SIK3: variants seen among roughly 807,000 people sequenced by gnomAD.
SIK3 encodes serine/threonine-protein kinase SIK3.
SIK3 carries 28 observed loss-of-function variants against 144.2 expected under a neutral mutation model. That is an observed-to-expected ratio of 0.19 (90% confidence interval 0.14 to 0.27). The LOEUF is 0.27. Ranked by LOEUF, SIK3 falls within the 10% of genes least tolerant of loss-of-function variation. The pLI is 1.00. For synonymous variants in SIK3, 686 were observed against 676.3 expected (o/e 1.01, Z -0.22); for missense variants, 1,319 against 1,776.0 (o/e 0.74, Z 4.62).
intron 1 of SIK3, among the ~76,000 whole-genome samples, chr11:117,043,190 G>A (rs1055526196): frequency 1.6e-4 from 25 of 151,988 alleles, no homozygotes; most frequent in African/African-American, 6.0e-4. Context: ...CCATCCCTCC[G>A]AACGTGCCAT....
chr11:116,967,038 G>GA (rs923405817), intron 1 of SIK3, among the ~76,000 whole-genome samples: 7 of 141,762 alleles, frequency 4.9e-5, no homozygotes, highest in South Asian at 2.3e-4. Flanking sequence ...AAAAAGAAAA[G>GA]AAAAAAAGAA....
Position 116,867,849 on chromosome 11 carries a change from A to T in SIK3, c.1952+97T>A. On this transcript the variant is annotated intron_variant, in intron 15 of 24. Coordinates refer to ENST00000445177, the MANE Select transcript of SIK3 (RefSeq NM_001366686.3). This position sits in a 1 kb window ranked among gnomAD's most constrained non-coding sequence, Gnocchi z 4.1. The stretch of plus-strand genomic sequence containing the variant: ...TCAGGATGACAGCTGGCTTCTATTT[A>T]AAGCCACGATGCTAGTCACCGTCGC... 1 of 1,268,058 alleles carries T rather than the reference A, an allele frequency of 7.9e-7. No homozygotes were observed. The highest frequency in any genetic ancestry group is 1.1e-6 in the Non-Finnish European group (1 of 940,992). 78.6% of individuals were successfully genotyped at this position (1,268,058 alleles called of 1,614,324 possible).
At chr11:116,955,693 T>C (rs77161357) in intron 2 of SIK3, among the ~76,000 whole-genome samples, 11,177 of 152,234 alleles carry the variant, frequency 0.073, 744 homozygotes, top group African/African-American at 0.18. Flanking sequence ...AAGCTGAGGT[T>C]AGACACCTGT....
At chr11:116,875,618 A>G in intron 9 of SIK3, 167 bp from the exon 10 acceptor site, 2 of 805,708 alleles carry the variant, frequency 2.5e-6, no homozygotes, top group East Asian at 2.7e-5. Flanking sequence ...TGAAGAGGAT[A>G]GCATCGCCTC....
Position 116,858,582 on chromosome 11 carries a change from C to A in SIK3, c.2883G>T (p.Gly961=), listed in dbSNP as rs747300871. The part of the protein sequence containing the change: ...PSSYSPSTGV[G]FSPTQALKVP... ...CTTTCAGGGCTTGGGTTGGAGAGAA[C>A]CCCACTCCTGTTGAAGGGCTGTAGC... Residue 961 remains glycine, a synonymous_variant, in exon 21 of 25, where the codon GGG becomes GGT. Coordinates refer to ENST00000445177, the MANE Select transcript of SIK3 (RefSeq NM_001366686.3). The surrounding 1 kb of genome is among the most constrained non-coding windows in gnomAD (Gnocchi z 5.4). 1 of 1,613,654 alleles carries A rather than the reference C, an allele frequency of 6.2e-7. No individual in the cohort carries two copies. The highest frequency in any genetic ancestry group is 8.5e-7 in the Non-Finnish European group (1 of 1,179,850).
In SIK3 at chr11:116,897,199, G is replaced by A; in HGVS notation, c.735C>T (p.Asp245=). ...EGKEYDGPKV[D]IWSLGVVLYV... is the part of the protein sequence containing the mutation. ...AGAGAAGGCAGTTACTTACCCAGAT[G>A]TCCACTTTGGGCCCATCATATTCTT... Residue 245 remains aspartate (D), a synonymous_variant, in exon 5 of 25, where the codon GAC becomes GAT. Coordinates refer to ENST00000445177, the MANE Select transcript of SIK3 (RefSeq NM_001366686.3). 6.2e-7 allele frequency: 1 copy of A among 1,613,830 alleles called. No homozygotes were observed. Among genetic ancestry groups the A allele is most frequent in the East Asian group, 2.2e-5 (1 of 44,858 alleles).
rs527643906 is a variant in SIK3 at position 116,843,863 on chromosome 11, G to C, written c.*1780C>G. 1 of 152,334 alleles carries C rather than the reference G, an allele frequency of 6.6e-6. No homozygotes were observed. The highest frequency in any genetic ancestry group is 1.9e-4 in the East Asian group (1 of 5,184). The allele number at this position is 152,334 out of a possible 1,614,324, so 9.4% of individuals were successfully genotyped here. A position where few individuals can be genotyped will look rare whatever the true frequency, so the allele number is the denominator to read the frequency against. On this transcript the variant is annotated 3_prime_UTR_variant, in exon 25 of 25. Transcript: ENST00000445177. ...GGAAACATGGGACAGCTCCCACGAAGGGCTCTTGCACTGCAGAATTCCACT... is the reference window on the plus strand; with the variant it reads ...GGAAACATGGGACAGCTCCCACGAACGGCTCTTGCACTGCAGAATTCCACT...
intron 1 of SIK3, among the ~76,000 whole-genome samples, chr11:116,981,599 T>C (rs758850745): frequency 6.6e-6 from 1 of 152,212 alleles, no homozygotes; most frequent in Non-Finnish European, 1.5e-5. Flanking sequence ...TGTTTCCATA[T>C]CTGGAAAATA....
chr11:117,035,684 AGCT>A, intron 1 of SIK3: 1 of 719,402 alleles, frequency 1.4e-6, no homozygotes, highest in South Asian at 1.7e-5. Flanking sequence ...CCTCCAGAGT[AGCT>A]GGGACTACAG....
At chr11:116,944,902 A>C (rs1282377304) in intron 3 of SIK3, among the ~76,000 whole-genome samples, 2 of 152,120 alleles carry the variant, frequency 1.3e-5, no homozygotes, top group East Asian at 1.9e-4. Flanking sequence ...TCAGTTTTTA[A>C]ATTTAAATGT....
chr11:117,082,492 G>A (rs1954832331), intron 1 of SIK3, among the ~76,000 whole-genome samples: 1 of 152,126 alleles, frequency 6.6e-6, no homozygotes, highest in African/African-American at 2.4e-5. Context: ...CATGAACCTT[G>A]AAGGCATTAC....
At chr11:117,052,113 T>A (rs1661491390) in intron 1 of SIK3, among the ~76,000 whole-genome samples, 1 of 151,478 alleles carries the variant, frequency 6.6e-6, no homozygotes, top group Admixed American at 6.6e-5. Flanking sequence ...TGGACTCGAC[T>A]GGGCAACAAG....
chr11:117,052,406 G>A (rs904608751), intron 1 of SIK3, among the ~76,000 whole-genome samples: 1 of 152,168 alleles, frequency 6.6e-6, no homozygotes, highest in Non-Finnish European at 1.5e-5. Context: ...GGGGTGTTAA[G>A]GGTTGGCAGT....
At chr11:116,955,399 AAAATAAATAAAT>A (rs568647090) in intron 2 of SIK3, among the ~76,000 whole-genome samples, 1 of 152,096 alleles carries the variant, frequency 6.6e-6, no homozygotes, top group African/African-American at 2.4e-5. Context: ...CTTCGTCTCA[AAAATAAATAAAT>A]AAATAAATAA....
At chr11:117,027,179 A>G (rs537916996) in intron 1 of SIK3, among the ~76,000 whole-genome samples, 1 of 152,234 alleles carries the variant, frequency 6.6e-6, no homozygotes, top group Non-Finnish European at 1.5e-5. Flanking sequence ...CATCAGACTT[A>G]AAGGTTATAG....
rs541993984 is a variant in SIK3 at position 117,001,460 on chromosome 11, C to T, written c.274-44396G>A. ...GGTGGAGGTTGCAGTGAGCTGAGAT[C>T]GCCCCACTGCACTCCAGCCTGGGCA... On this transcript the variant is annotated intron_variant, in intron 1 of 24. Transcript: ENST00000445177. 3.8e-4 allele frequency among the ~76,000 whole-genome samples: 57 copies of T among 151,970 alleles called. 1 individual carries two copies. The highest frequency in any genetic ancestry group is 1.3e-3 in the African/African-American group (53 of 41,454).
rs1390503211 is a variant in SIK3 at position 116,859,606 on chromosome 11, TG to T, written c.2426-3del. 4.3e-6 allele frequency: 7 copies of T among 1,612,384 alleles called. No homozygotes were observed. The Admixed American group carries it at 5.0e-5, about 12-fold the overall frequency. On this transcript the variant is annotated splice_polypyrimidine_tract_variant and splice_region_variant and intron_variant, in intron 19 of 24. Transcript: ENST00000445177. ...GAAACTGGGAAGAAGATGCAGCCCCTGGAGAGAAAGGAACCTCAGAGTGACC... is the reference window on the plus strand; with the variant it reads ...GAAACTGGGAAGAAGATGCAGCCCCTGAGAGAAAGGAACCTCAGAGTGACC...
At chr11:116,949,005 A>T (rs1035856997) in intron 3 of SIK3, among the ~76,000 whole-genome samples, 1 of 150,852 alleles carries the variant, frequency 6.6e-6, no homozygotes, top group Non-Finnish European at 1.5e-5. Context: ...ACTAATAAAT[A>T]AATAATGAAA....
At chr11:116,938,299 GGAGAA>G (rs1209916772) in intron 3 of SIK3, among the ~76,000 whole-genome samples, 2 of 38,974 alleles carry the variant, frequency 5.1e-5, no homozygotes, top group Non-Finnish European at 1.1e-4. Context: ...GGAGAGGAGA[GGAGAA>G]GAGAAGGAGA....
Sources: gnomAD v4.1 joint callset for allele counts (sites outside exome capture counted in the v4.1 genomes callset) on GRCh38, gnomAD v4.1.1 for gene constraint, Gnocchi (gnomAD v3.1) non-coding constraint, MANE v1.5 for transcripts, NCBI Gene and HGNC (gene_info 2026-07-23, HGNC 2026-07-21) for gene names.